The following JAML variants were observed in gnomAD, a reference collection of about 807,000 sequenced individuals.
JAML encodes the protein junction adhesion molecule like.
Under a neutral mutation model 39.3 loss-of-function variants are expected in JAML, and 25 were observed. That is an observed-to-expected ratio of 0.64 (90% CI 0.46 to 0.89). The LOEUF is 0.89. Ranked by LOEUF, JAML falls within the 40% of genes least tolerant of loss-of-function variation. JAML has a pLI of 0.00. For synonymous variants in JAML, 162 were observed against 179.2 expected, an observed-to-expected ratio of 0.90 and a Z score of 0.77; for missense variants, 440 against 486.9, an observed-to-expected ratio of 0.90 and a Z score of 0.91.
rs1393619343 is a variant in JAML at position 118,222,439 on chromosome 11, T to A, written c.-21+2502A>T. Reference sequence around the variant, plus strand: ...ATCTAAACAAACAAAAAGCCCCTGCTTTCCCTCTAAGAACTTCTCAGTCAA... The same window carrying A: ...ATCTAAACAAACAAAAAGCCCCTGCATTCCCTCTAAGAACTTCTCAGTCAA... On this transcript the variant is annotated intron_variant, in intron 1 of 9. Coordinates refer to ENST00000356289, the MANE Select transcript of JAML (RefSeq NM_001098526.2). This position sits in a 1 kb window ranked among gnomAD's most constrained non-coding sequence, Gnocchi z 4.2. Among the ~76,000 whole-genome samples the A allele has an allele frequency of 1.3e-5, 2 of 152,144 alleles. No individual in the cohort carries two copies. Among genetic ancestry groups the A allele is most frequent in the African/African-American group, 4.8e-5 (2 of 41,434 alleles).
chr11:118,202,963 C>G lies in JAML; in HGVS notation c.772+465G>C, dbSNP rs1215934587. On this transcript the variant is annotated intron_variant, in intron 6 of 9. Transcript: ENST00000356289. ...ATCCAGAACCTCTGATCAGAAAACC[C>G]TCCATTTTTGGTTCTGGTGCCTGCA... 3 of 456,864 alleles carry G rather than the reference C, an allele frequency of 6.6e-6. No individual in the cohort carries two copies. The Admixed American group carries it at 7.0e-5, about 11-fold the overall frequency. 28.3% of individuals were successfully genotyped at this position (456,864 alleles called of 1,614,324 possible). A position where few individuals can be genotyped will look rare whatever the true frequency, so the allele number is the denominator to read the frequency against.
At chr11:118,224,619 A>T (rs562490373) in intron 1 of JAML, among the ~76,000 whole-genome samples, 1 of 152,352 alleles carries the variant, frequency 6.6e-6, no homozygotes, top group East Asian at 1.9e-4. Context: ...TGAGCTCAAG[A>T]ACAGCCAGTC....
chr11:118,202,205 TGTG>T, intron 6 of JAML: 1 of 152,330 alleles, frequency 6.6e-6, no homozygotes, highest in Non-Finnish European at 1.5e-5. Context: ...AACACGTGAT[TGTG>T]GTGGTGGTTG....
intron 1 of JAML, among the ~76,000 whole-genome samples, chr11:118,224,650 G>A (rs1288955779): frequency 2.6e-5 from 4 of 152,112 alleles, no homozygotes; most frequent in Admixed American, 2.0e-4. Flanking sequence ...CTAAACCCAC[G>A]GGTGACTTAA....
chr11:118,209,183 C>T, intron 4 of JAML: 1 of 280,458 alleles, frequency 3.6e-6, no homozygotes, highest in Non-Finnish European at 7.1e-6. Flanking sequence ...AGCTGCATTC[C>T]TTTCAACTAA....
intron 5 of JAML, 141 bp from the exon 6 acceptor site, chr11:118,203,806 A>G: frequency 1.4e-6 from 1 of 697,448 alleles, no homozygotes; most frequent in Admixed American, 2.2e-5. Context: ...AGCATTAAAT[A>G]ACACAAAGTC....
intron 1 of JAML, among the ~76,000 whole-genome samples, chr11:118,219,312 T>C (rs1279519348): frequency 2.0e-5 from 3 of 152,186 alleles, no homozygotes; most frequent in East Asian, 1.9e-4. Context: ...GGGACTCTTA[T>C]ACATTATTGG....
chr11:118,196,229 G>C (rs577922456), intron 9 of JAML, among the ~76,000 whole-genome samples: 1 of 151,158 alleles, frequency 6.6e-6, no homozygotes, highest in African/African-American at 2.4e-5. Context: ...CCAGGTCCAA[G>C]CAATTCTCGT....
intron 9 of JAML, among the ~76,000 whole-genome samples, chr11:118,196,436 T>C (rs1948658041): frequency 6.6e-6 from 1 of 152,160 alleles, no homozygotes; most frequent in Non-Finnish European, 1.5e-5. Flanking sequence ...CCGTGTTTTC[T>C]TTATTAGATT....
intron 5 of JAML, 191 bp from the exon 6 acceptor site, chr11:118,203,856 A>C (rs1948865202): frequency 5.3e-6 from 3 of 570,092 alleles, no homozygotes; most frequent in East Asian, 5.7e-5. Context: ...CTTGTGAAGG[A>C]CATCACAAAA....
chr11:118,200,092 T>C (rs956764160), intron 7 of JAML, among the ~76,000 whole-genome samples: 2 of 152,154 alleles, frequency 1.3e-5, no homozygotes, highest in Non-Finnish European at 2.9e-5. Flanking sequence ...ATAAAACCAC[T>C]GGCAACCCTT....
At chr11:118,212,920 C>T (rs184038391) in intron 2 of JAML, 51 of 1,614,100 alleles carry the variant, frequency 3.2e-5, no homozygotes, top group African/African-American at 9.3e-5. Flanking sequence ...CTTACCATAA[C>T]GACGAAATGG....
At chr11:118,197,883 G>T in intron 8 of JAML, 115 bp downstream of exon 8, 2 of 947,306 alleles carry the variant, frequency 2.1e-6, no homozygotes, top group Non-Finnish European at 3.4e-6. Context: ...CCTGCTCTGT[G>T]CCAAGCACTG....
intron 1 of JAML, among the ~76,000 whole-genome samples, chr11:118,221,408 G>A (rs1340593504): frequency 6.6e-6 from 1 of 152,172 alleles, no homozygotes; most frequent in Non-Finnish European, 1.5e-5. Context: ...GACCAGGGAG[G>A]GTGGGTGATG....
At chr11:118,220,264 T>C (rs1271380770) in intron 1 of JAML, among the ~76,000 whole-genome samples, 1 of 152,194 alleles carries the variant, frequency 6.6e-6, no homozygotes, top group South Asian at 2.1e-4. Flanking sequence ...GATTATCCGG[T>C]GCAAGGCCCC....
chr11:118,194,308 G>A lies in JAML; in HGVS notation c.*17C>T, dbSNP rs762392129. ...GAGTCTCCACCGCTGCTGAGATGAA[G>A]GGACTCTCCATTCTTCTCAAAAGGC... On this transcript the variant is annotated 3_prime_UTR_variant, in exon 10 of 10. Coordinates refer to ENST00000356289, the MANE Select transcript of JAML (RefSeq NM_001098526.2). 15 of 1,603,996 alleles carry A rather than the reference G, an allele frequency of 9.4e-6. No individual in the cohort carries two copies. The highest frequency in any genetic ancestry group is 1.3e-5 in the Non-Finnish European group (15 of 1,171,108).
At chr11:118,206,711 C>T (rs1315236430) in intron 4 of JAML, among the ~76,000 whole-genome samples, 1 of 152,166 alleles carries the variant, frequency 6.6e-6, no homozygotes. Flanking sequence ...ACTTCCCCTG[C>T]TTCTGGCTTT....
intron 3 of JAML, among the ~76,000 whole-genome samples, chr11:118,211,252 G>A (rs1949054242): frequency 1.3e-5 from 2 of 152,124 alleles, no homozygotes; most frequent in African/African-American, 2.4e-5. Flanking sequence ...TTTTGTTTTT[G>A]GTTTTGGTTT....
At chr11:118,202,608 G>C (rs957396195) in intron 6 of JAML, 1 of 221,282 alleles carries the variant, frequency 4.5e-6, no homozygotes. Flanking sequence ...ATAATGGCTC[G>C]ATTTTCTCTG....
Sources: allele counts gnomAD v4.1 joint callset (sites outside exome capture counted in the v4.1 genomes callset), GRCh38; gene constraint gnomAD v4.1.1; non-coding constraint Gnocchi (gnomAD v3.1); transcripts MANE v1.5; gene names NCBI Gene and HGNC (gene_info 2026-07-23, HGNC 2026-07-21).